RNF126: variants seen among roughly 807,000 people sequenced by gnomAD.
RNF126 encodes the protein E3 ubiquitin-protein ligase RNF126.
In RNF126, 20 loss-of-function variants were observed where a neutral mutation model predicts 41.9. The observed-to-expected ratio is 0.48, with a 90% CI of 0.34 to 0.69. The LOEUF is 0.69. Ranked by LOEUF, RNF126 falls within the 30% of genes least tolerant of loss-of-function variation. The pLI, the probability that RNF126 is intolerant of heterozygous loss-of-function variation, is 0.01. For missense variants in RNF126, 433 were observed against 460.6 expected (o/e 0.94, Z 0.55); for synonymous variants, 239 against 202.9 (o/e 1.18, Z -1.51).
chr19:662,466 C>G (rs1245866946), intron 1 of RNF126, among the ~76,000 whole-genome samples: 1 of 152,162 alleles, frequency 6.6e-6, no homozygotes, highest in African/African-American at 2.4e-5. Context: ...CGCGGTCGGA[C>G]CCCGGGACAG....
At chr19:662,999 G>T in intron 1 of RNF126, 48 bp downstream of exon 1, 1 of 1,064,604 alleles carries the variant, frequency 9.4e-7, no homozygotes, top group Non-Finnish European at 1.2e-6. Context: ...CCTTGCCTCA[G>T]GCCTGCGGCG....
rs114177969 is a variant in RNF126 at position 651,049 on chromosome 19, T to C, written c.443+562A>G. ...TGGCAAAATTAGCCACTTTTAAAGA[T>C]GACATTTCCAGCAGGTGAGACACAC... On this transcript the variant is annotated intron_variant, in intron 4 of 8. Transcript: ENST00000292363. Among the ~76,000 whole-genome samples the C allele has an allele frequency of 9.1e-3, 1,382 of 152,184 alleles. 18 individuals carry two copies. The highest frequency in any genetic ancestry group is 0.032 in the African/African-American group (1,318 of 41,512).
In RNF126 at chr19:659,826, C is replaced by T. The variant is rs1187660227; in HGVS notation, c.75+3221G>A. 6.6e-6 allele frequency among the ~76,000 whole-genome samples: 1 copy of T among 151,016 alleles called. No individual in the cohort carries two copies. The highest frequency in any genetic ancestry group is 1.5e-5 in the Non-Finnish European group (1 of 67,824). On this transcript the variant is annotated intron_variant, in intron 1 of 8. Coordinates refer to ENST00000292363, the MANE Select transcript of RNF126 (RefSeq NM_194460.3). The surrounding 1 kb of genome is among the most constrained non-coding windows in gnomAD (Gnocchi z 4.9). ...TCACCCAGGCTGGACTGCAGTGGCA[C>T]AATCTCGGCTCACTGCAACCTCCGC...
chr19:649,727 AG>A lies in RNF126; in HGVS notation c.527del (p.Pro176LeufsTer48). 6.4e-7 allele frequency: 1 copy of A among 1,571,452 alleles called. No individual in the cohort carries two copies. Among genetic ancestry groups the A allele is most frequent in the Non-Finnish European group, 8.6e-7 (1 of 1,156,512 alleles). On this transcript the variant is annotated frameshift_variant, in exon 6 of 9. Transcript: ENST00000292363. LOFTEE classifies it high-confidence loss of function. ...LGPWGVLHSN[P>X]MDYAWGANGL... ...CGTTGGCCCCCCAGGCGTAGTCCATAGGGTTTGAGTGCAGGACTCCCCTGGA... is the reference window on the plus strand; with the variant it reads ...CGTTGGCCCCCCAGGCGTAGTCCATAGGTTTGAGTGCAGGACTCCCCTGGA...
chr19:660,920 G>C (rs1037505364), intron 1 of RNF126, among the ~76,000 whole-genome samples: 7 of 152,260 alleles, frequency 4.6e-5, no homozygotes, highest in Admixed American at 2.6e-4. Context: ...ATGCCCTTGG[G>C]ATCACCCGCG....
Position 652,243 on chromosome 19 carries a change from G to T in RNF126, c.188C>A (p.Pro63Gln), listed in dbSNP as rs947655228. The change falls in exon 3 of 9, where the codon CCA (proline) becomes CAA (glutamine). Residue 63 changes from proline to glutamine, a missense_variant. By Grantham distance (76) the Pro-to-Gln change is moderately conservative. Coordinates refer to ENST00000292363, the MANE Select transcript of RNF126 (RefSeq NM_194460.3). Reference sequence around the variant, plus strand: ...GGGCGGGCGACTCACCTCCAACGGTGGCCGGCTCTGGTCTGTGGGAGCTGT... The same window carrying T: ...GGGCGGGCGACTCACCTCCAACGGTTGCCGGCTCTGGTCTGTGGGAGCTGT... ...PSTAPTDQSRPPLEHVDQHLF... is the reference protein window; with the variant it reads ...PSTAPTDQSRQPLEHVDQHLF... 1.8e-5 allele frequency: 27 copies of T among 1,536,104 alleles called. No homozygotes were observed. Among genetic ancestry groups the T allele is most frequent in the Non-Finnish European group, 2.3e-5 (27 of 1,153,144 alleles).
intron 1 of RNF126, among the ~76,000 whole-genome samples, chr19:657,227 G>A (rs1314836760): frequency 6.6e-6 from 1 of 152,212 alleles, no homozygotes; most frequent in African/African-American, 2.4e-5. Flanking sequence ...TCCTGGACAA[G>A]CACGAGGCCC....
Position 650,307 on chromosome 19 carries a change from G to A in RNF126, c.444-11C>T. 1 of 1,573,714 alleles carries A rather than the reference G, an allele frequency of 6.4e-7. No individual in the cohort carries two copies. On this transcript the variant is annotated splice_polypyrimidine_tract_variant and intron_variant, in intron 4 of 8. Coordinates refer to ENST00000292363, the MANE Select transcript of RNF126 (RefSeq NM_194460.3). ...AGCTGCTGGATGATCCTGGAAAAGA[G>A]AGCGCCAGTCACGGGGTGAGGCCGC...
chr19:658,022 T>G (rs2030632148), intron 1 of RNF126, among the ~76,000 whole-genome samples: 1 of 151,910 alleles, frequency 6.6e-6, no homozygotes, highest in South Asian at 2.1e-4. Context: ...CAGCACGCAC[T>G]GGGGGCCCCC....
intron 6 of RNF126, 50 bp from the exon 7 acceptor site, chr19:649,025 G>A (rs1375938733): frequency 1.7e-5 from 17 of 975,826 alleles, no homozygotes; most frequent in South Asian, 6.5e-5. Context: ...GGCCCGGCCC[G>A]GGGCTCTGAA....
Position 647,969 on chromosome 19 carries a change from C to A in RNF126, c.*159G>T. ...CCCACGCCTTCCCAAGCCAGGGGGC[C>A]GGTGGGCCGGGCCCGGGTCCTGCCC... On this transcript the variant is annotated 3_prime_UTR_variant, in exon 9 of 9. Transcript: ENST00000292363. 1.1e-6 allele frequency: 1 copy of A among 902,346 alleles called. No homozygotes were observed. Among genetic ancestry groups the A allele is most frequent in the Admixed American group, 2.9e-5 (1 of 34,138 alleles). The allele number at this position is 902,346 out of a possible 1,614,324, so 55.9% of individuals were successfully genotyped here.
In RNF126 at chr19:659,996, C is replaced by A. The variant is rs1183588112; in HGVS notation, c.75+3051G>T. ...GCCAGGCTGGTCTCGAACTCCTGAC[C>A]TCAGGTGATCCGTCCACCTCAGCCT... On this transcript the variant is annotated intron_variant, in intron 1 of 8. Transcript: ENST00000292363. The surrounding 1 kb of genome is among the most constrained non-coding windows in gnomAD (Gnocchi z 4.9). Among the ~76,000 whole-genome samples, 1 of 152,180 alleles carries A rather than the reference C, an allele frequency of 6.6e-6. No individual in the cohort carries two copies. Among genetic ancestry groups the A allele is most frequent in the Non-Finnish European group, 1.5e-5 (1 of 68,024 alleles).
intron 7 of RNF126, 132 bp from the exon 8 acceptor site, chr19:648,619 C>T (rs2030100075): frequency 1.3e-6 from 1 of 741,472 alleles, no homozygotes; most frequent in South Asian, 1.7e-5. Flanking sequence ...TGTGTGTGTC[C>T]CCCGGGCTGC....
chr19:652,154 G>A (rs2030335209), intron 3 of RNF126, 79 bp downstream of exon 3: 19 of 1,197,320 alleles, frequency 1.6e-5, no homozygotes, highest in Non-Finnish European at 2.0e-5. Flanking sequence ...AGCCGGGGAG[G>A]CGAGGTGGGG....
In RNF126 at chr19:663,100, G is replaced by T. The variant is rs1029141589; in HGVS notation, c.22C>A (p.Pro8Thr). The change falls in exon 1 of 9, where the codon CCC (proline) becomes ACC (threonine). Residue 8 changes from proline (P) to threonine (T), a missense_variant. Pro to Thr is a conservative substitution (Grantham distance 38). Transcript: ENST00000292363. Reference sequence around the variant, plus strand: ...CAGCAGTGGCAGAAGTACCGTCCGGGATGCGGCGACGCCTCGGCCATGGCC... The same window carrying T: ...CAGCAGTGGCAGAAGTACCGTCCGGTATGCGGCGACGCCTCGGCCATGGCC... MAEASPH[P>T]GRYFCHCCSV... 1 of 1,343,858 alleles carries T rather than the reference G, an allele frequency of 7.4e-7. No individual in the cohort carries two copies. 83.2% of individuals were successfully genotyped at this position (1,343,858 alleles called of 1,614,324 possible). A position where few individuals can be genotyped will look rare whatever the true frequency, so the allele number is the denominator to read the frequency against.
At position 663,055 on chromosome 19, in the gene RNF126, G is replaced by A. The variant is rs1283970210; in HGVS notation, c.67C>T (p.Arg23Cys). The A allele has an allele frequency of 2.2e-6, 3 of 1,375,320 alleles. No homozygotes were observed. Among genetic ancestry groups the A allele is most frequent in the South Asian group, 3.1e-5 (2 of 65,476 alleles). 85.2% of individuals were successfully genotyped at this position (1,375,320 alleles called of 1,614,324 possible). A position where few individuals can be genotyped will look rare whatever the true frequency, so the allele number is the denominator to read the frequency against. The change falls in exon 1 of 9, where the codon CGC (arginine) becomes TGC (cysteine). Residue 23 changes from arginine (R) to cysteine (C), a missense_variant. Physicochemically the swap from Arg to Cys is radical, Grantham distance 180 (BLOSUM62 -3). Transcript: ENST00000292363. ...CHCCSVEIVPRLPDYICPRCE... is the reference protein window; with the variant it reads ...CHCCSVEIVPCLPDYICPRCE... Reference sequence around the variant, plus strand: ...CCCGGCCCGGGCCTCACCGGCAGGCGCGGGACGATCTCCACGGAGCAGCAG... The same window carrying A: ...CCCGGCCCGGGCCTCACCGGCAGGCACGGGACGATCTCCACGGAGCAGCAG...
intron 1 of RNF126, among the ~76,000 whole-genome samples, chr19:653,095 C>A (rs971399882): frequency 8.5e-5 from 13 of 152,164 alleles, no homozygotes; most frequent in Non-Finnish European, 1.8e-4. Context: ...TGGCTCCCGG[C>A]GATCTGAGCC....
At chr19:653,686 C>T (rs117693135) in intron 1 of RNF126, among the ~76,000 whole-genome samples, 4,535 of 152,308 alleles carry the variant, frequency 0.03, 100 homozygotes, top group Non-Finnish European at 0.042. Flanking sequence ...ATGGTGCCTC[C>T]CGGCCTCACC....
In RNF126 at chr19:649,550, C is replaced by T. The variant is rs558807713; in HGVS notation, c.576+129G>A. 190 of 703,182 alleles carry T rather than the reference C, an allele frequency of 2.7e-4. No homozygotes were observed. The African/African-American group carries it at 3.0e-3, about 11-fold the overall frequency. The allele number at this position is 703,182 out of a possible 1,614,324, so 43.6% of individuals were successfully genotyped here. A position where few individuals can be genotyped will look rare whatever the true frequency, so the allele number is the denominator to read the frequency against. ...GAGCTGCCCCCTGTGCCCGCCAGAG[C>T]GTGGAGGCTGTGCCCGCATCCCCTT... On this transcript the variant is annotated intron_variant, in intron 6 of 8. Transcript: ENST00000292363.
Sources: allele counts gnomAD v4.1 joint callset (sites outside exome capture counted in the v4.1 genomes callset), GRCh38; gene constraint gnomAD v4.1.1; non-coding constraint Gnocchi (gnomAD v3.1); transcripts MANE v1.5; gene names NCBI Gene and HGNC (gene_info 2026-07-23, HGNC 2026-07-21).